NBEA: variants seen among roughly 807,000 people sequenced by gnomAD.
NBEA encodes the protein lysosomal-trafficking regulator 2.
A neutral mutation model predicts 343.4 loss-of-function variants in NBEA; 44 were observed. The observed-to-expected ratio is 0.13, with a 90% CI of 0.10 to 0.16. The LOEUF (loss-of-function observed/expected upper bound fraction) is 0.16. Ranked by LOEUF, NBEA falls within the 10% of genes least tolerant of loss-of-function variation. The pLI is 1.00. For missense variants in NBEA, 2,555 were observed against 3,631.3 expected (o/e 0.70, Z 7.62); for synonymous variants, 1,175 against 1,238.7 (o/e 0.95, Z 1.08).
intron 35 of NBEA, among the ~76,000 whole-genome samples, chr13:35,292,945 A>G (rs1484311785): frequency 2.6e-5 from 4 of 152,012 alleles, no homozygotes; most frequent in Non-Finnish European, 5.9e-5. Context: ...AAAATGCAAT[A>G]TTGTGTTTTT....
rs373014707 is a variant in NBEA at position 35,157,615 on chromosome 13, C to CT, written c.2844+353dup. Among the ~76,000 whole-genome samples the CT allele has an allele frequency of 7.5e-3, 1,143 of 151,890 alleles. 15 individuals are homozygous for CT. Among genetic ancestry groups the CT allele is most frequent in the African/African-American group, 0.026 (1,097 of 41,458 alleles). Reference sequence around the variant, plus strand: ...AGTCTCTGAAATATACTTTTTAAGACTTTTTTTTAAGAAGTCAGATTTTTT... The same window carrying CT: ...AGTCTCTGAAATATACTTTTTAAGACTTTTTTTTTAAGAAGTCAGATTTTTT... On this transcript the variant is annotated intron_variant, in intron 21 of 58. Coordinates refer to ENST00000379939, the MANE Select transcript of NBEA (RefSeq NM_001385012.1).
At chr13:35,137,680 T>A (rs1179163299) in intron 17 of NBEA, among the ~76,000 whole-genome samples, 1 of 152,134 alleles carries the variant, frequency 6.6e-6, no homozygotes, top group Non-Finnish European at 1.5e-5. Flanking sequence ...AGATATCTAA[T>A]GTTTATTGTT....
At chr13:35,657,325 T>G (rs556360311) in intron 55 of NBEA, among the ~76,000 whole-genome samples, 2 of 152,366 alleles carry the variant, frequency 1.3e-5, no homozygotes, top group Admixed American at 6.5e-5. Context: ...GAGTCTCTGT[T>G]CTAAATTTGA....
At chr13:35,217,901 C>A (rs148296871) in intron 33 of NBEA, among the ~76,000 whole-genome samples, 24 of 152,202 alleles carry the variant, frequency 1.6e-4, no homozygotes, top group Admixed American at 1.5e-3. Flanking sequence ...TCAGGCTTCA[C>A]ATAAGTAGAT....
In NBEA at chr13:35,550,590, C is replaced by T; in HGVS notation, c.6699C>T (p.Asn2233=). 2.5e-6 allele frequency: 4 copies of T among 1,582,652 alleles called. No individual in the cohort carries two copies. Among genetic ancestry groups the T allele is most frequent in the Non-Finnish European group, 3.5e-6 (4 of 1,152,422 alleles). The change falls in exon 42 of 59, where the codon AAC becomes AAT. Residue 2233 remains asparagine, a synonymous_variant. Transcript: ENST00000379939. ...QNTALEVFMA[N]RTSVMFNFPD... ...CTGCTTTGGAAGTATTTATGGCAAA[C>T]CGAAGTAAGTCCCCTTAATATTTTG...
chr13:35,295,295 T>C (rs2036052674), intron 35 of NBEA, among the ~76,000 whole-genome samples: 1 of 151,944 alleles, frequency 6.6e-6, no homozygotes, highest in East Asian at 1.9e-4. Context: ...TGTCTAACTT[T>C]TAAACAGTAT....
intron 38 of NBEA, among the ~76,000 whole-genome samples, chr13:35,425,584 G>T (rs1594591384): frequency 6.6e-6 from 1 of 152,118 alleles, no homozygotes; most frequent in South Asian, 2.1e-4. Flanking sequence ...ATCAATTTTG[G>T]AATAGGTGTG....
intron 48 of NBEA, among the ~76,000 whole-genome samples, chr13:35,625,934 AAGTATGCACTCCC>A (rs2083211695): frequency 6.6e-6 from 1 of 152,102 alleles, no homozygotes; most frequent in Admixed American, 6.6e-5. Context: ...GACTCACATT[AAGTATGCACTCCC>A]AGTTCTACTC....
chr13:35,001,209 T>C (rs1386943235), intron 1 of NBEA, among the ~76,000 whole-genome samples: 1 of 152,146 alleles, frequency 6.6e-6, no homozygotes, highest in Non-Finnish European at 1.5e-5. Context: ...GGAACTCTTA[T>C]ACATGGTTGG....
intron 48 of NBEA, among the ~76,000 whole-genome samples, chr13:35,624,392 A>C (rs2083131826): frequency 6.6e-6 from 1 of 152,168 alleles, no homozygotes; most frequent in African/African-American, 2.4e-5. Flanking sequence ...TTTATGGAGA[A>C]AATTTTATTT....
At chr13:35,032,104 T>C (rs2062246733) in intron 1 of NBEA, among the ~76,000 whole-genome samples, 1 of 151,834 alleles carries the variant, frequency 6.6e-6, no homozygotes, top group Non-Finnish European at 1.5e-5. Flanking sequence ...AGTACTACAG[T>C]GAACATTTAC....
At position 34,993,349 on chromosome 13, in the gene NBEA, T is replaced by A. The variant is rs542160330; in HGVS notation, c.295-47584T>A. On this transcript the variant is annotated intron_variant, in intron 1 of 58. Transcript: ENST00000379939. ...TTTCTCATTGTTGCAAATAGTTGTT[T>A]ACTTATGAATATCTGTTTAACCTTG... is the stretch of plus-strand genomic sequence containing the variant. Among the ~76,000 whole-genome samples, 17 of 152,360 alleles carry A rather than the reference T, an allele frequency of 1.1e-4. No homozygotes were observed. The South Asian group carries it at 3.5e-3, about 32-fold the overall frequency.
chr13:35,208,636 C>A, intron 31 of NBEA, 64 bp from the exon 32 acceptor site: 1 of 1,381,730 alleles, frequency 7.2e-7, no homozygotes, highest in East Asian at 2.4e-5. Context: ...ATATCTGTTG[C>A]AGCAGGATTA....
At chr13:35,000,956 G>GT (rs957050494) in intron 1 of NBEA, among the ~76,000 whole-genome samples, 16 of 150,768 alleles carry the variant, frequency 1.1e-4, no homozygotes, top group South Asian at 4.2e-4. Flanking sequence ...AACATAGTTG[G>GT]TTTTTTTTTG....
intron 18 of NBEA, among the ~76,000 whole-genome samples, chr13:35,149,185 C>G (rs1593512792): frequency 6.6e-6 from 1 of 152,208 alleles, no homozygotes; most frequent in East Asian, 1.9e-4. Context: ...AATATTGTTT[C>G]AATATTTGGC....
chr13:35,528,615 C>G (rs2078098061), intron 41 of NBEA, among the ~76,000 whole-genome samples: 1 of 152,138 alleles, frequency 6.6e-6, no homozygotes, highest in Non-Finnish European at 1.5e-5. Flanking sequence ...GCTCTTCTTG[C>G]TTTTACATGC....
At chr13:35,025,702 C>G (rs74051214) in intron 1 of NBEA, among the ~76,000 whole-genome samples, 1 of 152,042 alleles carries the variant, frequency 6.6e-6, no homozygotes, top group Non-Finnish European at 1.5e-5. Context: ...ATCCTTTTAT[C>G]TCTCACTAGT....
intron 5 of NBEA, 149 bp downstream of exon 5, chr13:35,048,833 T>G (rs572016670): frequency 1.9e-5 from 9 of 479,854 alleles, no homozygotes; most frequent in Non-Finnish European, 2.9e-5. Context: ...TCAGTTTTAT[T>G]TATGTATGTA....
At position 35,279,069 on chromosome 13, in the gene NBEA, T is replaced by C. The variant is rs151267169; in HGVS notation, c.5777-11320T>C. 1.9e-3 allele frequency among the ~76,000 whole-genome samples: 287 copies of C among 152,308 alleles called. 3 individuals carry two copies. Among genetic ancestry groups the C allele is most frequent in the African/African-American group, 6.4e-3 (264 of 41,574 alleles). On this transcript the variant is annotated intron_variant, in intron 34 of 58. Coordinates refer to ENST00000379939, the MANE Select transcript of NBEA (RefSeq NM_001385012.1). ...CAGAAGGTGGGCCAGCTCTGGAGAA[T>C]TGATTTTCAGACTGCAGGCTGTGAT...
Sources: allele counts gnomAD v4.1 joint callset (sites outside exome capture counted in the v4.1 genomes callset), GRCh38; gene constraint gnomAD v4.1.1; transcripts MANE v1.5; gene names NCBI Gene and HGNC (gene_info 2026-07-23, HGNC 2026-07-21).